Variants in TTC17 observed in about 807,000 individuals in gnomAD.
TTC17 encodes tetratricopeptide repeat domain 17.
In TTC17, 58 loss-of-function variants were observed where a neutral mutation model predicts 143.8. The ratio of observed to expected loss-of-function variants is 0.40; its 90% CI spans 0.33 to 0.50. The LOEUF is 0.50. Ranked by LOEUF, TTC17 falls within the 20% of genes least tolerant of loss-of-function variation. The pLI is 0.49. For missense variants in TTC17, 1,273 were observed against 1,392.5 expected, an observed-to-expected ratio of 0.91 and a Z score of 1.37; for synonymous variants, 501 against 497.8, an observed-to-expected ratio of 1.01 and a Z score of -0.09.
At chr11:43,374,188 C>A (rs571402209) in intron 1 of TTC17, among the ~76,000 whole-genome samples, 55 of 152,248 alleles carry the variant, frequency 3.6e-4, no homozygotes, top group African/African-American at 1.3e-3. Context: ...ACTCCCTATT[C>A]AATAAATGGT....
At chr11:43,424,968 T>C (rs1946991770) in intron 16 of TTC17, among the ~76,000 whole-genome samples, 1 of 152,186 alleles carries the variant, frequency 6.6e-6, no homozygotes, top group African/African-American at 2.4e-5. Context: ...TTCATTCTCC[T>C]TACAGGAACT....
Position 43,407,520 on chromosome 11 carries a change from C to A in TTC17, c.2007C>A (p.Gly669=). Residue 669 remains glycine (G), a synonymous_variant, in exon 15 of 24, where the codon GGC becomes GGA. Coordinates refer to ENST00000039989, the MANE Select transcript of TTC17 (RefSeq NM_018259.6). ...TGGCCAACCTTTTGATTCATTACGG[C>A]CTTCATCTTGATGCCACTAAGCTGC... The part of the protein sequence containing the change: ...VNLANLLIHY[G]LHLDATKLLL... 1 of 1,613,978 alleles carries A rather than the reference C, an allele frequency of 6.2e-7. No individual in the cohort carries two copies.
chr11:43,384,009 G>C (rs1032187384), intron 2 of TTC17, among the ~76,000 whole-genome samples: 1 of 152,024 alleles, frequency 6.6e-6, no homozygotes, highest in Non-Finnish European at 1.5e-5. Context: ...GCTGGGCATG[G>C]TGGCAGGCAC....
intron 21 of TTC17, among the ~76,000 whole-genome samples, chr11:43,454,221 A>C (rs887528768): frequency 7.2e-5 from 11 of 152,170 alleles, no homozygotes; most frequent in Non-Finnish European, 1.5e-4. Context: ...GTGGAGAGGA[A>C]AGGTAGAAAT....
At chr11:43,488,984 A>G (rs1043774641) in intron 21 of TTC17, among the ~76,000 whole-genome samples, 12 of 152,128 alleles carry the variant, frequency 7.9e-5, no homozygotes, top group Non-Finnish European at 1.5e-4. Flanking sequence ...TGGCCCAGTA[A>G]AATTTCTTTA....
At chr11:43,457,582 A>G (rs1311441331) in intron 21 of TTC17, among the ~76,000 whole-genome samples, 1 of 152,184 alleles carries the variant, frequency 6.6e-6, no homozygotes, top group Non-Finnish European at 1.5e-5. Flanking sequence ...AATAAGGGAA[A>G]AGATGAAGAA....
At chr11:43,397,537 CTTTTTT>C (rs376723044) in intron 7 of TTC17, 46 bp downstream of exon 7, 15 of 1,216,134 alleles carry the variant, frequency 1.2e-5, no homozygotes, top group African/African-American at 9.9e-5. Context: ...TTGCCACTTT[CTTTTTT>C]TTTTTTTTTT....
At chr11:43,399,083 G>C (rs1857737012) in intron 8 of TTC17, among the ~76,000 whole-genome samples, 1 of 152,172 alleles carries the variant, frequency 6.6e-6, no homozygotes, top group Non-Finnish European at 1.5e-5. Flanking sequence ...GAAATCAGGT[G>C]GTGAAGCATA....
At chr11:43,426,779 T>C (rs1947037929) in intron 16 of TTC17, among the ~76,000 whole-genome samples, 1 of 152,152 alleles carries the variant, frequency 6.6e-6, no homozygotes, top group Non-Finnish European at 1.5e-5. Context: ...TTCACTTAAT[T>C]TGAGGAGAAA....
At position 43,397,334 on chromosome 11, in the gene TTC17, C is replaced by T; in HGVS notation, c.774-13C>T. On this transcript the variant is annotated splice_polypyrimidine_tract_variant and intron_variant, in intron 6 of 23. Transcript: ENST00000039989. ...GTTCTACATAATCATGGAATATGTG[C>T]TGCTTTCCTTAGGCACAATAAAGAC... 2 of 1,602,804 alleles carry T rather than the reference C, an allele frequency of 1.2e-6. No homozygotes were observed. Among genetic ancestry groups the T allele is most frequent in the Non-Finnish European group, 8.5e-7 (1 of 1,177,042 alleles).
intron 16 of TTC17, among the ~76,000 whole-genome samples, chr11:43,415,499 C>T (rs1329203689): frequency 1.3e-5 from 2 of 152,094 alleles, no homozygotes; most frequent in East Asian, 1.9e-4. Flanking sequence ...TGTGGATCCT[C>T]AGTATCTAGC....
At chr11:43,435,426 C>G (rs1479105631) in intron 16 of TTC17, 6 of 152,186 alleles carry the variant, frequency 3.9e-5, no homozygotes, top group Admixed American at 2.6e-4. Context: ...TGGTAACATA[C>G]TCCCCTACCC....
chr11:43,383,497 C>A (rs528011978), intron 2 of TTC17, among the ~76,000 whole-genome samples: 123 of 151,952 alleles, frequency 8.1e-4, no homozygotes, highest in South Asian at 5.6e-3. Context: ...GGATTACAGG[C>A]ATGTGCCACC....
intron 1 of TTC17, among the ~76,000 whole-genome samples, chr11:43,375,829 A>G (rs1425510482): frequency 6.6e-6 from 1 of 152,206 alleles, no homozygotes; most frequent in Admixed American, 6.5e-5. Flanking sequence ...TTAAGTTTAA[A>G]ATGTTCACCC....
intron 5 of TTC17, among the ~76,000 whole-genome samples, chr11:43,392,995 T>A (rs547393743): frequency 6.6e-6 from 1 of 152,290 alleles, no homozygotes; most frequent in African/African-American, 2.4e-5. Context: ...GAATCCTGAT[T>A]GAGGTTAGGT....
intron 21 of TTC17, among the ~76,000 whole-genome samples, chr11:43,478,231 G>T (rs1170454983): frequency 1.3e-5 from 2 of 152,130 alleles, no homozygotes; most frequent in Non-Finnish European, 2.9e-5. Flanking sequence ...GGACCCCAGA[G>T]ATCACAACAG....
At chr11:43,392,077 C>G in intron 5 of TTC17, 125 bp downstream of exon 5, 1 of 1,144,072 alleles carries the variant, frequency 8.7e-7, no homozygotes, top group Non-Finnish European at 1.2e-6. Context: ...TTTAAAATTA[C>G]ACTTACATTG....
chr11:43,391,739 A>G lies in TTC17; in HGVS notation c.532-82A>G, dbSNP rs1857397988. The stretch of plus-strand genomic sequence containing the variant: ...AAAATTCCAAAATATTAGTATTTCA[A>G]AATAAACACTACAAGATACTGAATT... On this transcript the variant is annotated intron_variant, in intron 4 of 23. Transcript: ENST00000039989. 4.0e-6 allele frequency: 6 copies of G among 1,517,122 alleles called. No individual in the cohort carries two copies. In the Admixed American group the frequency reaches 1.2e-4, roughly 29 times the overall value. 94.0% of individuals were successfully genotyped at this position (1,517,122 alleles called of 1,614,324 possible).
intron 21 of TTC17, among the ~76,000 whole-genome samples, chr11:43,474,157 T>G (rs550211896): frequency 2.0e-5 from 3 of 152,338 alleles, no homozygotes; most frequent in African/African-American, 7.2e-5. Flanking sequence ...GTACATTATG[T>G]GTGAACATCC....
Sources: allele counts gnomAD v4.1 joint callset (sites outside exome capture counted in the v4.1 genomes callset), GRCh38; gene constraint gnomAD v4.1.1; transcripts MANE v1.5; gene names NCBI Gene and HGNC (gene_info 2026-07-23, HGNC 2026-07-21).